The following HTR1F variants were observed in gnomAD, a reference collection of about 807,000 sequenced individuals.
HTR1F encodes the protein 5-hydroxytryptamine (serotonin) receptor 1F, G protein-coupled.
HTR1F carries 17 observed loss-of-function variants against 24.0 expected under a neutral mutation model. The observed-to-expected ratio is 0.71, with a 90% CI of 0.48 to 1.06. The LOEUF is 1.06. Ranked by LOEUF, HTR1F falls within the 50% of genes least tolerant of loss-of-function variation. The pLI is 0.00. For synonymous variants in HTR1F, 186 were observed against 156.8 expected (o/e 1.19, Z -1.39); for missense variants, 391 against 427.8 (o/e 0.91, Z 0.76).
intron 2 of HTR1F, among the ~76,000 whole-genome samples, chr3:87,986,950 T>C (rs1705674504): frequency 6.6e-6 from 1 of 151,834 alleles, no homozygotes; most frequent in Non-Finnish European, 1.5e-5. Context: ...ACTAAAAATA[T>C]AGAAAATTAG....
rs557821039 is a variant in HTR1F, at chr3:87,920,784, G to A, written c.-42-69924G>A. Among the ~76,000 whole-genome samples the A allele has an allele frequency of 6.3e-4, 96 of 151,892 alleles. 2 individuals are homozygous for A. The highest frequency in any genetic ancestry group is 5.2e-4 in the Non-Finnish European group (35 of 67,928). ...AAAGAACTATTGAGTACTAGGCTTA[G>A]TATCTCAGCGACAAAATAATCTGTA... On this transcript the variant is annotated intron_variant, in intron 2 of 2. Transcript: ENST00000319595.
At chr3:87,964,424 G>A (rs904485592) in intron 2 of HTR1F, among the ~76,000 whole-genome samples, 3 of 151,990 alleles carry the variant, frequency 2.0e-5, no homozygotes, top group African/African-American at 7.2e-5. Flanking sequence ...TGGAGTAATC[G>A]CTCCTTTTTT....
At chr3:87,986,242 G>A (rs1705659172) in intron 2 of HTR1F, among the ~76,000 whole-genome samples, 2 of 152,090 alleles carry the variant, frequency 1.3e-5, no homozygotes, top group African/African-American at 2.4e-5. Flanking sequence ...AAGGTAGATG[G>A]TTTATTACAT....
intron 2 of HTR1F, among the ~76,000 whole-genome samples, chr3:87,890,981 A>C (rs1706069408): frequency 6.6e-6 from 1 of 151,652 alleles, no homozygotes; most frequent in Non-Finnish European, 1.5e-5. Flanking sequence ...AGCTGGGATT[A>C]CAGGCACCTG....
At chr3:87,881,230 T>C (rs1705789513) in intron 2 of HTR1F, among the ~76,000 whole-genome samples, 1 of 151,400 alleles carries the variant, frequency 6.6e-6, no homozygotes, top group Admixed American at 6.6e-5. Flanking sequence ...CACACCTAAA[T>C]ACTGAGCTTT....
intron 2 of HTR1F, among the ~76,000 whole-genome samples, chr3:87,940,166 G>T (rs1442666982): frequency 6.6e-6 from 1 of 152,172 alleles, no homozygotes; most frequent in Non-Finnish European, 1.5e-5. Flanking sequence ...CCATGTAGTT[G>T]TGCAGTTTTG....
intron 2 of HTR1F, among the ~76,000 whole-genome samples, chr3:87,902,036 T>C (rs942053980): frequency 2.6e-5 from 4 of 152,144 alleles, no homozygotes; most frequent in African/African-American, 9.6e-5. Flanking sequence ...ATTATAAATA[T>C]ATGAATTTTT....
intron 2 of HTR1F, among the ~76,000 whole-genome samples, chr3:87,922,869 G>A (rs1418519225): frequency 2.1e-5 from 3 of 145,794 alleles, no homozygotes; most frequent in Non-Finnish European, 4.5e-5. Flanking sequence ...TGTTATATTG[G>A]TCTATGTTTT....
At chr3:87,948,024 A>G (rs1368608449) in intron 2 of HTR1F, among the ~76,000 whole-genome samples, 1 of 152,194 alleles carries the variant, frequency 6.6e-6, no homozygotes, top group Non-Finnish European at 1.5e-5. Context: ...AAAAAATCCT[A>G]TCTAATATTA....
intron 2 of HTR1F, among the ~76,000 whole-genome samples, chr3:87,866,239 C>T (rs2107241320): frequency 6.6e-6 from 1 of 152,224 alleles, no homozygotes; most frequent in South Asian, 2.1e-4. Context: ...AATGCAAAAG[C>T]AAATATTTTG....
At chr3:87,819,861 CA>C (rs1222676177) in intron 1 of HTR1F, among the ~76,000 whole-genome samples, 1 of 151,852 alleles carries the variant, frequency 6.6e-6, no homozygotes, top group Non-Finnish European at 1.5e-5. Context: ...TTACTGTTGA[CA>C]AACTACAAAC....
chr3:87,938,753 T>G (rs1293067472), intron 2 of HTR1F, among the ~76,000 whole-genome samples: 1 of 152,202 alleles, frequency 6.6e-6, no homozygotes, highest in East Asian at 1.9e-4. Context: ...AGATTGAAAC[T>G]GGACCCCTTC....
At chr3:87,881,907 T>C (rs1020552491) in intron 2 of HTR1F, among the ~76,000 whole-genome samples, 1 of 152,032 alleles carries the variant, frequency 6.6e-6, no homozygotes, top group Non-Finnish European at 1.5e-5. Flanking sequence ...GAAACTACCA[T>C]CAGAGTGAAC....
chr3:87,908,209 G>T (rs1703706341), intron 2 of HTR1F, among the ~76,000 whole-genome samples: 1 of 151,930 alleles, frequency 6.6e-6, no homozygotes, highest in Non-Finnish European at 1.5e-5. Context: ...TATCATAAGA[G>T]ATTCTGATAC....
At chr3:87,792,938 G>A (rs1221926635) in intron 1 of HTR1F, among the ~76,000 whole-genome samples, 96 bp downstream of exon 1, 2 of 152,274 alleles carry the variant, frequency 1.3e-5, no homozygotes, top group South Asian at 2.1e-4. Context: ...GGGAGTGGGA[G>A]GCTGGACAGC....
chr3:87,950,912 T>G (rs748184321), intron 2 of HTR1F, among the ~76,000 whole-genome samples: 3 of 152,186 alleles, frequency 2.0e-5, no homozygotes, highest in Non-Finnish European at 2.9e-5. Context: ...TAAGGGTATT[T>G]AGACAGTCCT....
At chr3:87,841,782 C>T (rs1184022130) in intron 2 of HTR1F, among the ~76,000 whole-genome samples, 6 of 151,210 alleles carry the variant, frequency 4.0e-5, no homozygotes, top group African/African-American at 9.8e-5. Flanking sequence ...CTCCTGTAAT[C>T]CCAGCTACTC....
chr3:87,915,497 G>A (rs149235863), intron 2 of HTR1F, among the ~76,000 whole-genome samples: 1 of 152,074 alleles, frequency 6.6e-6, no homozygotes, highest in African/African-American at 2.4e-5. Context: ...GAAATAGACA[G>A]CATAAAGAAA....
chr3:87,977,477 C>T (rs142507050), intron 2 of HTR1F, among the ~76,000 whole-genome samples: 1,666 of 145,022 alleles, frequency 0.011, 40 homozygotes, highest in African/African-American at 0.04. Context: ...CAGCTCACTG[C>T]AAACTCCACC....
Sources: allele counts gnomAD v4.1 joint callset (sites outside exome capture counted in the v4.1 genomes callset), GRCh38; gene constraint gnomAD v4.1.1; transcripts MANE v1.5; gene names NCBI Gene and HGNC (gene_info 2026-07-23, HGNC 2026-07-21).